The following NOS3 variants were observed in gnomAD, a reference collection of about 807,000 sequenced individuals.
NOS3 encodes the protein NOS type III.
In NOS3, 98 loss-of-function variants were observed where a neutral mutation model predicts 144.9. That is an observed-to-expected ratio of 0.68 (90% confidence interval 0.57 to 0.80). NOS3 has a LOEUF of 0.80. NOS3 is among the 30% of genes least tolerant of loss of function. The probability of loss-of-function intolerance (pLI) is 0.00; values close to 1 mark genes in which losing one functional copy is unlikely to be tolerated. For missense variants in NOS3, 1,465 were observed against 1,656.4 expected, an observed-to-expected ratio of 0.88 and a Z score of 2.01; for synonymous variants, 714 against 702.4, an observed-to-expected ratio of 1.02 and a Z score of -0.26.
chr7:150,996,769 C>A lies in NOS3; in HGVS notation c.426C>A (p.Gly142=). Residue 142 remains glycine, a synonymous_variant, in exon 5 of 27, where the codon GGC becomes GGA. Coordinates refer to ENST00000297494, the MANE Select transcript of NOS3 (RefSeq NM_000603.5). ...CCACCCCTCTCCTCCCCAGGAGCGG[C>A]TCCCAGGCCCACGAACAGCGGCTTC... ...NQYYSSIKRS[G]SQAHEQRLQE... is the part of the protein sequence containing the mutation. The A allele has an allele frequency of 6.2e-7, 1 of 1,611,996 alleles. No individual in the cohort carries two copies.
In NOS3 at chr7:151,003,665, CCTG is replaced by C. The variant is rs1183469185; in HGVS notation, c.1752+1363_1752+1365del. On this transcript the variant is annotated intron_variant, in intron 14 of 26. Transcript: ENST00000297494. This position sits in a 1 kb window ranked among gnomAD's most constrained non-coding sequence, Gnocchi z 4.1. ...CGTGAATCCCTTCCCAGTCTGTCTCCCTGCCAGAAGTGTCTGTCACCACAGAAT... is the reference window on the plus strand; with the variant it reads ...CGTGAATCCCTTCCCAGTCTGTCTCCCCAGAAGTGTCTGTCACCACAGAAT... 2.8e-6 allele frequency: 2 copies of C among 711,018 alleles called. No individual in the cohort carries two copies. The highest frequency in any genetic ancestry group is 3.7e-5 in the African/African-American group (2 of 54,152). The allele number at this position is 711,018 out of a possible 1,614,324, so 44.0% of individuals were successfully genotyped here. A position where few individuals can be genotyped will look rare whatever the true frequency, so the allele number is the denominator to read the frequency against.
Position 150,993,909 on chromosome 7 carries a change from C to T in NOS3, c.106C>T (p.Pro36Ser). ...CGKQGPATPAPEPSRAPASLL... is the reference protein window; with the variant it reads ...CGKQGPATPASEPSRAPASLL... ...CAAGCAGGGCCCAGCCACCCCGGCC[C>T]CTGAGCCCAGCCGGGCCCCAGCATC... Residue 36 changes from proline to serine, a missense_variant, in exon 2 of 27, where the codon CCT becomes TCT. This residue lies in a region of NOS3 where 374 missense variants were observed against 377.0 expected (regional missense o/e 0.99). Transcript: ENST00000297494. This position sits in a 1 kb window ranked among gnomAD's most constrained non-coding sequence, Gnocchi z 4.0. 1.9e-6 allele frequency: 3 copies of T among 1,590,012 alleles called. No individual in the cohort carries two copies. Among genetic ancestry groups the T allele is most frequent in the Non-Finnish European group, 2.6e-6 (3 of 1,169,818 alleles).
At chr7:151,013,540 A>G (rs115888621) in intron 25 of NOS3, 161 bp downstream of exon 25, 4 of 1,125,946 alleles carry the variant, frequency 3.6e-6, no homozygotes, top group Non-Finnish European at 4.9e-6. Flanking sequence ...CGGCCCCTCT[A>G]GGCCCGCCTC....
At chr7:151,010,408 A>C in intron 21 of NOS3, 121 bp downstream of exon 21, 1 of 1,084,252 alleles carries the variant, frequency 9.2e-7, no homozygotes, top group Non-Finnish European at 1.3e-6. Flanking sequence ...GCCGACATGC[A>C]CTGGTGCTTT....
intron 17 of NOS3, 61 bp from the exon 18 acceptor site, chr7:151,008,869 G>A: frequency 6.6e-7 from 1 of 1,522,394 alleles, no homozygotes. Context: ...CCGCCCAGGC[G>A]CCTCACTAGG....
At position 151,010,810 on chromosome 7, in the gene NOS3, G is replaced by A; in HGVS notation, c.2896+3G>A. The A allele has an allele frequency of 6.2e-7, 1 of 1,610,100 alleles. No individual in the cohort carries two copies. The highest frequency in any genetic ancestry group is 1.1e-5 in the South Asian group (1 of 90,476). On this transcript the variant is annotated splice_donor_region_variant and intron_variant, in intron 22 of 26. Transcript: ENST00000297494. ...TGTGCTGGCATACAGGACTCAGGGT[G>A]AGGCAACAAGCAGGAGCAGGCCTGG...
At position 150,999,196 on chromosome 7, in the gene NOS3, G is replaced by A. The variant is rs756737838; in HGVS notation, c.963G>A (p.Glu321=). The part of the protein sequence containing the change: ...LEVPLEHPTL[E]WFAALGLRWY... Reference sequence around the variant, plus strand: ...CACACCCCAACACCCCCAGGCTGGAGTGGTTTGCAGCCCTGGGCCTGCGCT... The same window carrying A: ...CACACCCCAACACCCCCAGGCTGGAATGGTTTGCAGCCCTGGGCCTGCGCT... The change falls in exon 9 of 27, where the codon GAG becomes GAA. Residue 321 remains glutamate, a synonymous_variant. Coordinates refer to ENST00000297494, the MANE Select transcript of NOS3 (RefSeq NM_000603.5). The A allele has an allele frequency of 1.2e-6, 2 of 1,609,030 alleles. No individual in the cohort carries two copies. Among genetic ancestry groups the A allele is most frequent in the Non-Finnish European group, 1.7e-6 (2 of 1,178,462 alleles).
At chr7:151,013,951 GGGTTCCTGCTAA>G in intron 26 of NOS3, 33 bp downstream of exon 26, 1 of 1,604,184 alleles carries the variant, frequency 6.2e-7, no homozygotes, top group Non-Finnish European at 8.5e-7. Flanking sequence ...TGAGCGTGCG[GGGTTCCTGCTAA>G]GGTCTCCGAG....
Position 151,014,282 on chromosome 7 carries a change from TC to T in NOS3, c.*115del. The stretch of plus-strand genomic sequence containing the variant: ...TTGAGGTGGTGCCTTCTCACATCTG[TC>T]CAGAGGCTGCAAGGATTCAGCATTA... On this transcript the variant is annotated 3_prime_UTR_variant, in exon 27 of 27. Coordinates refer to ENST00000297494, the MANE Select transcript of NOS3 (RefSeq NM_000603.5). 9.2e-7 allele frequency: 1 copy of T among 1,091,750 alleles called. No homozygotes were observed. Among genetic ancestry groups the T allele is most frequent in the Non-Finnish European group, 1.3e-6 (1 of 778,572 alleles). 67.6% of individuals were successfully genotyped at this position (1,091,750 alleles called of 1,614,324 possible). A position where few individuals can be genotyped will look rare whatever the true frequency, so the allele number is the denominator to read the frequency against.
At chr7:151,010,563 G>A (rs1028407047) in intron 21 of NOS3, 34 bp from the exon 22 acceptor site, 13 of 1,521,054 alleles carry the variant, frequency 8.5e-6, no homozygotes, top group Non-Finnish European at 1.1e-5. Flanking sequence ...GAAGGGCTAT[G>A]GGGCCTCCAA....
At chr7:150,992,801 C>T (rs1407010240) in intron 1 of NOS3, among the ~76,000 whole-genome samples, 2 of 152,218 alleles carry the variant, frequency 1.3e-5, no homozygotes, top group South Asian at 2.1e-4. Context: ...CACGAGGCTT[C>T]GACCCCTGTG....
At position 151,013,901 on chromosome 7, in the gene NOS3, G is replaced by A. The variant is rs1029528279; in HGVS notation, c.3433G>A (p.Val1145Ile). 25 of 1,599,796 alleles carry A rather than the reference G, an allele frequency of 1.6e-5. No individual in the cohort carries two copies. The highest frequency in any genetic ancestry group is 2.7e-5 in the African/African-American group (2 of 74,690). Residue 1145 changes from valine to isoleucine, a missense_variant, in exon 26 of 27, where the codon GTC (valine) becomes ATC (isoleucine). Transcript: ENST00000297494. ...GDMELDEAGD[V>I]IGVLRDQQRY... ...CATGGAGCTGGACGAGGCCGGCGAC[G>A]TCATCGGCGTGCTGCGGGTGCGGAG... is the stretch of plus-strand genomic sequence containing the variant.
chr7:150,998,267 G>T lies in NOS3; in HGVS notation c.583-90G>T, dbSNP rs1427632791. Reference sequence around the variant, plus strand: ...CGCCATGGAGTGAACCATGGCCCCTGCCTCCTCACCAGCAGCTCCTCTGGA... The same window carrying T: ...CGCCATGGAGTGAACCATGGCCCCTTCCTCCTCACCAGCAGCTCCTCTGGA... On this transcript the variant is annotated intron_variant, in intron 5 of 26. Transcript: ENST00000297494. This position sits in a 1 kb window ranked among gnomAD's most constrained non-coding sequence, Gnocchi z 5.0. 1 of 1,167,320 alleles carries T rather than the reference G, an allele frequency of 8.6e-7. No homozygotes were observed. Among genetic ancestry groups the T allele is most frequent in the Non-Finnish European group, 1.2e-6 (1 of 806,920 alleles). The allele number at this position is 1,167,320 out of a possible 1,614,324, so 72.3% of individuals were successfully genotyped here.
rs1211214478 is a variant in NOS3 at position 150,998,823 on chromosome 7, G to A, written c.817-123G>A. On this transcript the variant is annotated intron_variant, in intron 7 of 26. Coordinates refer to ENST00000297494, the MANE Select transcript of NOS3 (RefSeq NM_000603.5). This position sits in a 1 kb window ranked among gnomAD's most constrained non-coding sequence, Gnocchi z 5.0. ...AAAACACCAAAGGAGGGGTGCCTGG[G>A]TGGTCACGGAGACCCAGCCAATGAG... 1 of 1,466,422 alleles carries A rather than the reference G, an allele frequency of 6.8e-7. No individual in the cohort carries two copies. The allele number at this position is 1,466,422 out of a possible 1,614,324, so 90.8% of individuals were successfully genotyped here.
intron 17 of NOS3, among the ~76,000 whole-genome samples, chr7:151,007,755 G>A (rs891511): frequency 0.44 from 66,408 of 152,168 alleles, 15,460 homozygotes; most frequent in East Asian, 0.57. Context: ...GTCCCGGGCC[G>A]GGCAAGCAAG....
intron 4 of NOS3, 54 bp downstream of exon 4, chr7:150,996,606 C>T: frequency 1.3e-6 from 2 of 1,547,780 alleles, no homozygotes. Context: ...GCCCCAGAAA[C>T]CCCGTGACGA....
At chr7:151,001,680 A>C in intron 12 of NOS3, 63 bp downstream of exon 12, 1 of 1,553,710 alleles carries the variant, frequency 6.4e-7, no homozygotes, top group Non-Finnish European at 8.9e-7. Context: ...TCCCCCACAC[A>C]CCCTGGGGGA....
intron 14 of NOS3, among the ~76,000 whole-genome samples, chr7:151,005,729 G>A (rs1049929734): frequency 2.6e-5 from 4 of 152,222 alleles, no homozygotes; most frequent in African/African-American, 9.6e-5. Flanking sequence ...CCACCGAGCT[G>A]CCCTTCAGTC....
At chr7:151,004,036 T>A (rs1795168652) in intron 14 of NOS3, 1 of 220,846 alleles carries the variant, frequency 4.5e-6, no homozygotes, top group African/African-American at 2.4e-5. Flanking sequence ...TTTCACTTTT[T>A]TAAAAAATAA....
Sources: gnomAD v4.1 joint callset for allele counts (sites outside exome capture counted in the v4.1 genomes callset) on GRCh38, gnomAD v4.1.1 for gene constraint, gnomAD v4.1.1 regional missense constraint, Gnocchi (gnomAD v3.1) non-coding constraint, MANE v1.5 for transcripts, NCBI Gene and HGNC (gene_info 2026-07-23, HGNC 2026-07-21) for gene names.